RSRC1: variants seen among roughly 807,000 people sequenced by gnomAD.
RSRC1 encodes the protein arginine and serine rich coiled-coil 1, also known as serine/Arginine-related protein 53.
A neutral mutation model predicts 49.1 loss-of-function variants in RSRC1; 39 were observed. The observed-to-expected ratio is 0.79, with a 90% CI of 0.61 to 1.04. The LOEUF is 1.04. Among genes scored for constraint, RSRC1 ranks in the 50% least tolerant of loss-of-function variants. RSRC1 has a pLI of 0.00. For missense variants in RSRC1, 388 were observed against 402.4 expected (o/e 0.96, Z 0.31); for synonymous variants, 143 against 130.8 (o/e 1.09, Z -0.63).
At chr3:158,242,308 T>C (rs558179993) in intron 4 of RSRC1, among the ~76,000 whole-genome samples, 48 of 152,020 alleles carry the variant, frequency 3.2e-4, no homozygotes, top group Non-Finnish European at 5.6e-4. Flanking sequence ...CGATATTTGG[T>C]TTTTTGTTCC....
intron 7 of RSRC1, among the ~76,000 whole-genome samples, chr3:158,462,175 A>G (rs1452465740): frequency 6.6e-6 from 1 of 151,826 alleles, no homozygotes; most frequent in East Asian, 1.9e-4. Flanking sequence ...TACTGAGAAA[A>G]AAATGAATTT....
At chr3:158,543,050 T>C (rs1713129091) in intron 8 of RSRC1, among the ~76,000 whole-genome samples, 1 of 152,164 alleles carries the variant, frequency 6.6e-6, no homozygotes, top group Admixed American at 6.5e-5. Flanking sequence ...CTCAGCATTT[T>C]TCTATTTGTT....
chr3:158,254,914 T>A (rs1168433190), intron 4 of RSRC1, among the ~76,000 whole-genome samples: 1 of 152,156 alleles, frequency 6.6e-6, no homozygotes, highest in Non-Finnish European at 1.5e-5. Context: ...TTGATGGGGT[T>A]GTTTGTTTTT....
At chr3:158,252,044 A>C (rs1724238662) in intron 4 of RSRC1, among the ~76,000 whole-genome samples, 1 of 152,162 alleles carries the variant, frequency 6.6e-6, no homozygotes, top group Non-Finnish European at 1.5e-5. Flanking sequence ...AAATTTTATC[A>C]AATGTTTTTT....
At chr3:158,462,002 A>C (rs529157988) in intron 7 of RSRC1, among the ~76,000 whole-genome samples, 1 of 151,608 alleles carries the variant, frequency 6.6e-6, no homozygotes, top group East Asian at 1.9e-4. Flanking sequence ...CAAGCGAAAA[A>C]AAAAAAAAAA....
At chr3:158,543,804 A>C (rs1378512464) in intron 9 of RSRC1, 4 of 299,350 alleles carry the variant, frequency 1.3e-5, no homozygotes, top group Non-Finnish European at 1.8e-5. Context: ...TTGTTTAAAA[A>C]TCTAGCACTA....
At chr3:158,209,983 G>T (rs1442770482) in intron 4 of RSRC1, among the ~76,000 whole-genome samples, 1 of 152,038 alleles carries the variant, frequency 6.6e-6, no homozygotes, top group Non-Finnish European at 1.5e-5. Context: ...TCAATAAGGG[G>T]TTTTGTTTTT....
intron 6 of RSRC1, among the ~76,000 whole-genome samples, chr3:158,364,465 T>A (rs1001696132): frequency 6.6e-6 from 1 of 152,188 alleles, no homozygotes; most frequent in Non-Finnish European, 1.5e-5. Context: ...GTTTTGGTAG[T>A]CCAGATTTAT....
intron 3 of RSRC1, among the ~76,000 whole-genome samples, chr3:158,199,775 A>G (rs1362766536): frequency 6.6e-6 from 1 of 152,056 alleles, no homozygotes; most frequent in Non-Finnish European, 1.5e-5. Flanking sequence ...TTACTCATGG[A>G]TTATTTAAAA....
chr3:158,543,637 CT>C, intron 9 of RSRC1, 150 bp downstream of exon 9: 1 of 707,660 alleles, frequency 1.4e-6, no homozygotes, highest in Non-Finnish European at 2.2e-6. Context: ...GCCCCCAGGC[CT>C]TTAGAACTGT....
intron 3 of RSRC1, among the ~76,000 whole-genome samples, chr3:158,183,041 A>G (rs879512784): frequency 6.6e-6 from 1 of 152,040 alleles, no homozygotes; most frequent in East Asian, 1.9e-4. Flanking sequence ...GAATTTGCCA[A>G]TTGTCACTCC....
chr3:158,229,210 G>A (rs1376375984), intron 4 of RSRC1, among the ~76,000 whole-genome samples: 3 of 148,854 alleles, frequency 2.0e-5, no homozygotes, highest in South Asian at 2.1e-4. Flanking sequence ...GTGTATATAT[G>A]TATACACACA....
intron 3 of RSRC1, among the ~76,000 whole-genome samples, chr3:158,139,473 AG>A (rs1716605787): frequency 6.6e-6 from 1 of 152,184 alleles, no homozygotes; most frequent in Admixed American, 6.5e-5. Flanking sequence ...CAACTACATC[AG>A]GAAGTGCAGA....
At chr3:158,405,664 TA>T (rs1734126900) in intron 6 of RSRC1, among the ~76,000 whole-genome samples, 1 of 152,240 alleles carries the variant, frequency 6.6e-6, no homozygotes, top group African/African-American at 2.4e-5. Context: ...CTTGGTAAAT[TA>T]GCCAGCAGGC....
At chr3:158,190,059 T>C (rs1720147791) in intron 3 of RSRC1, among the ~76,000 whole-genome samples, 1 of 151,974 alleles carries the variant, frequency 6.6e-6, no homozygotes, top group Non-Finnish European at 1.5e-5. Context: ...ACACACTTTT[T>C]TCCCTCTTGA....
intron 3 of RSRC1, among the ~76,000 whole-genome samples, chr3:158,144,705 G>A (rs1015095726): frequency 6.6e-6 from 1 of 152,200 alleles, no homozygotes; most frequent in East Asian, 1.9e-4. Flanking sequence ...CTGAAGAATC[G>A]CCACACTGAC....
At chr3:158,478,300 CTA>C (rs1466057233) in intron 7 of RSRC1, among the ~76,000 whole-genome samples, 1 of 150,288 alleles carries the variant, frequency 6.7e-6, no homozygotes, top group African/African-American at 2.4e-5. Context: ...ATATTTTTTT[CTA>C]TGTCTTGTTG....
chr3:158,346,235 C>T (rs1486698976), intron 5 of RSRC1, among the ~76,000 whole-genome samples: 1 of 151,936 alleles, frequency 6.6e-6, no homozygotes, highest in Non-Finnish European at 1.5e-5. Flanking sequence ...TCCCTAGAGC[C>T]CAGGAGTTTG....
At position 158,402,200 on chromosome 3, in the gene RSRC1, G is replaced by A. The variant is rs576418520; in HGVS notation, c.583+47292G>A. Reference sequence around the variant, plus strand: ...ATTCATTTGACATATGCCGCCCTCAGAGTTTGACCATTCAATTTCTTCTGT... The same window carrying A: ...ATTCATTTGACATATGCCGCCCTCAAAGTTTGACCATTCAATTTCTTCTGT... On this transcript the variant is annotated intron_variant, in intron 6 of 9. Coordinates refer to ENST00000611884, the MANE Select transcript of RSRC1 (RefSeq NM_001271838.2). Among the ~76,000 whole-genome samples, 3 of 152,012 alleles carry A rather than the reference G, an allele frequency of 2.0e-5. No homozygotes were observed. The East Asian group carries it at 5.8e-4, about 29-fold the overall frequency.
Sources: allele counts gnomAD v4.1 joint callset (sites outside exome capture counted in the v4.1 genomes callset), GRCh38; gene constraint gnomAD v4.1.1; transcripts MANE v1.5; gene names NCBI Gene and HGNC (gene_info 2026-07-23, HGNC 2026-07-21).